Variants in PPP4R1 observed in about 807,000 individuals in gnomAD.
PPP4R1 encodes the protein protein phosphatase 4 regulatory subunit 1, also known as serine/threonine-protein phosphatase 4 regulatory subunit 1.
In PPP4R1, 42 loss-of-function variants were observed where a neutral mutation model predicts 111.2. The ratio of observed to expected loss-of-function variants is 0.38; its 90% CI spans 0.29 to 0.49. The LOEUF is 0.49. Ranked by LOEUF, PPP4R1 falls within the 20% of genes least tolerant of loss-of-function variation. The probability of loss-of-function intolerance (pLI) is 0.97; values close to 1 mark genes in which losing one functional copy is unlikely to be tolerated. For synonymous variants in PPP4R1, 409 were observed against 405.5 expected, an observed-to-expected ratio of 1.01 and a Z score of -0.10; for missense variants, 1,012 against 1,161.6, an observed-to-expected ratio of 0.87 and a Z score of 1.87.
upstream of PPP4R1, among the ~76,000 whole-genome samples, chr18:9,616,723 A>G (rs905741646): frequency 1.3e-5 from 2 of 152,220 alleles, no homozygotes; most frequent in African/African-American, 4.8e-5. Flanking sequence ...AGTAATCATG[A>G]TAAAATAGGG....
At position 9,588,882 on chromosome 18, in the gene PPP4R1, CAT is replaced by C. The variant is rs780280290; in HGVS notation, c.296-31_296-30del. The stretch of plus-strand genomic sequence containing the variant: ...TTGAAATAACGGCAATGTGAGCAAA[CAT>C]GTTCTCCTGCAGCAACAAAACCTTT... On this transcript the variant is annotated intron_variant, in intron 4 of 19. Transcript: ENST00000400556. The C allele has an allele frequency of 2.5e-6, 4 of 1,606,122 alleles. No individual in the cohort carries two copies. In the African/African-American group the frequency reaches 4.0e-5, roughly 16 times the overall value.
intron 6 of PPP4R1, chr18:9,587,255 T>C (rs1371033091): frequency 2.0e-5 from 3 of 152,232 alleles, no homozygotes; most frequent in African/African-American, 4.8e-5. Flanking sequence ...TTTACAATTA[T>C]GTATTTTTTC....
At chr18:9,594,380 A>T (rs974478739) in intron 3 of PPP4R1, 1 of 152,422 alleles carries the variant, frequency 6.6e-6, no homozygotes, top group Non-Finnish European at 1.5e-5. Context: ...GAATATTTAC[A>T]ACATTTTTTT....
chr18:9,557,570 C>G (rs2066607591), intron 14 of PPP4R1, among the ~76,000 whole-genome samples, 188 bp from the exon 15 acceptor site: 1 of 152,216 alleles, frequency 6.6e-6, no homozygotes, highest in African/African-American at 2.4e-5. Context: ...TTTTAAATCC[C>G]TGCCTAGTAC....
chr18:9,592,032 T>C (rs1235732024), intron 4 of PPP4R1, among the ~76,000 whole-genome samples: 1 of 152,208 alleles, frequency 6.6e-6, no homozygotes, highest in Non-Finnish European at 1.5e-5. Flanking sequence ...ATCACGCCAC[T>C]CTGCTCTAGC....
rs574740706 is a variant in PPP4R1 at position 9,553,700 on chromosome 18, A to G, written c.2191-278T>C. On this transcript the variant is annotated intron_variant, in intron 15 of 19. Transcript: ENST00000400556. ...ACAGTACCCCGGGCACAGCCTGATT[A>G]CAGGGCTTGCCCCCTTTATTCATAT... 7.7e-4 allele frequency among the ~76,000 whole-genome samples: 117 copies of G among 152,352 alleles called. 1 individual carries two copies. The highest frequency in any genetic ancestry group is 1.7e-3 in the Admixed American group (26 of 15,308).
chr18:9,616,403 T>TGG (rs1467082639), upstream of PPP4R1, among the ~76,000 whole-genome samples: 2 of 151,994 alleles, frequency 1.3e-5, no homozygotes, highest in African/African-American at 4.8e-5. Flanking sequence ...CCCAAGTAAC[T>TGG]GGAACTAAAG....
Position 9,577,157 on chromosome 18 carries a change from A to T in PPP4R1, c.953T>A (p.Phe318Tyr). The T allele has an allele frequency of 6.2e-7, 1 of 1,609,742 alleles. No individual in the cohort carries two copies. Among genetic ancestry groups the T allele is most frequent in the South Asian group, 1.1e-5 (1 of 90,046 alleles). Residue 318 changes from phenylalanine to tyrosine, a missense_variant, in exon 10 of 20, where the codon TTC becomes TAC. Physicochemically the swap from Phe to Tyr is conservative, Grantham distance 22. Around this residue, in one of 2 missense-constraint regions of PPP4R1, gnomAD observed 707 missense variants for 742.1 expected, o/e 0.95. Coordinates refer to ENST00000400556, the MANE Select transcript of PPP4R1 (RefSeq NM_001042388.3). Reference sequence around the variant, plus strand: ...AGATGGATTAGCAAAAGTAGATATGAAAGGTCCCAGAGACTGAAAAGCTGC... The same window carrying T: ...AGATGGATTAGCAAAAGTAGATATGTAAGGTCCCAGAGACTGAAAAGCTGC... ...RQAAFQSLGP[F>Y]ISTFANPSSS...
intron 10 of PPP4R1, among the ~76,000 whole-genome samples, chr18:9,575,703 A>C (rs2066925300): frequency 6.6e-6 from 1 of 152,214 alleles, no homozygotes; most frequent in African/African-American, 2.4e-5. Flanking sequence ...TGTTGAGGTC[A>C]GTGAAGTTTT....
At chr18:9,552,627 A>G (rs1442851222) in intron 16 of PPP4R1, among the ~76,000 whole-genome samples, 1 of 152,222 alleles carries the variant, frequency 6.6e-6, no homozygotes, top group Non-Finnish European at 1.5e-5. Context: ...AAGAAATTAA[A>G]CACAGAATTA....
intron 2 of PPP4R1, among the ~76,000 whole-genome samples, chr18:9,605,554 T>C (rs1380250207): frequency 4.2e-5 from 5 of 117,750 alleles, no homozygotes; most frequent in Non-Finnish European, 6.5e-5. Context: ...ATCACTTATG[T>C]AGCAGTCCTG....
In PPP4R1 at chr18:9,549,238, A is replaced by C. The variant is rs765488021; in HGVS notation, c.2648T>G (p.Val883Gly). 1 of 1,613,990 alleles carries C rather than the reference A, an allele frequency of 6.2e-7. No homozygotes were observed. Among genetic ancestry groups the C allele is most frequent in the Admixed American group, 1.7e-5 (1 of 60,022 alleles). The change falls in exon 19 of 20, where the codon GTG (valine) becomes GGG (glycine). Residue 883 changes from valine to glycine, a missense_variant. Transcript: ENST00000400556. ...LANDRVPNVR[V>G]LLAKTLRQTL... Reference sequence around the variant, plus strand: ...TTGTCTTAATGTCTTTGCAAGCAGCACTCGCACGTTAGGAACCCTGTCATT... The same window carrying C: ...TTGTCTTAATGTCTTTGCAAGCAGCCCTCGCACGTTAGGAACCCTGTCATT...
intron 11 of PPP4R1, 129 bp from the exon 12 acceptor site, chr18:9,563,679 G>A: frequency 1.2e-6 from 1 of 852,206 alleles, no homozygotes; most frequent in South Asian, 2.8e-5. Context: ...TCAAAAAGCT[G>A]GAAAAAAATT....
At chr18:9,613,563 G>A (rs990202502) in intron 2 of PPP4R1, 2 of 152,218 alleles carry the variant, frequency 1.3e-5, no homozygotes, top group African/African-American at 2.4e-5. Flanking sequence ...CTGAAGGAGG[G>A]CTGGGTGATT....
chr18:9,556,075 T>C (rs951101628), intron 15 of PPP4R1, among the ~76,000 whole-genome samples: 10 of 148,868 alleles, frequency 6.7e-5, no homozygotes, highest in African/African-American at 1.7e-4. Flanking sequence ...GCAGGAGAAT[T>C]GCTTGAACCT....
At chr18:9,606,740 G>A (rs191645260) in intron 2 of PPP4R1, among the ~76,000 whole-genome samples, 2 of 151,820 alleles carry the variant, frequency 1.3e-5, no homozygotes, top group African/African-American at 4.8e-5. Flanking sequence ...ATACAGTAGT[G>A]GCATGTTTAT....
intron 14 of PPP4R1, among the ~76,000 whole-genome samples, chr18:9,558,699 G>GCTTTTTTTTTTTTTTTTTTTTTTTTTTT (rs10686779): frequency 6.8e-6 from 1 of 148,102 alleles, no homozygotes; most frequent in Non-Finnish European, 1.5e-5. Flanking sequence ...TAATCAGACT[G>GCTTTTTTTTTTTTTTTTTTTTTTTTTTT]TTTTTTTTTT....
At chr18:9,554,893 C>T (rs2066546652) in intron 15 of PPP4R1, among the ~76,000 whole-genome samples, 1 of 152,194 alleles carries the variant, frequency 6.6e-6, no homozygotes, top group African/African-American at 2.4e-5. Context: ...GAAATGGATT[C>T]CATTATGTTG....
rs149553101 is a variant in PPP4R1 at position 9,602,689 on chromosome 18, A to G, written c.53-7536T>C. 7.0e-3 allele frequency among the ~76,000 whole-genome samples: 1,064 copies of G among 152,078 alleles called. 17 individuals carry two copies. The highest frequency in any genetic ancestry group is 0.025 in the African/African-American group (1,022 of 41,454). On this transcript the variant is annotated intron_variant, in intron 2 of 19. Transcript: ENST00000400556. ...ATCCTGGCCAACATGGTGAAATCCCATCTCTTCTAAAAATACAAAAATTAG... is the reference window on the plus strand; with the variant it reads ...ATCCTGGCCAACATGGTGAAATCCCGTCTCTTCTAAAAATACAAAAATTAG...
Sources: gnomAD v4.1 joint callset for allele counts (sites outside exome capture counted in the v4.1 genomes callset) on GRCh38, gnomAD v4.1.1 for gene constraint, gnomAD v4.1.1 regional missense constraint, MANE v1.5 for transcripts, NCBI Gene and HGNC (gene_info 2026-07-23, HGNC 2026-07-21) for gene names.